The following CDH4 variants were observed in gnomAD, a reference collection of about 807,000 sequenced individuals.
The protein encoded by CDH4 is cadherin-4.
Under a neutral mutation model 86.0 loss-of-function variants are expected in CDH4, and 33 were observed. The observed-to-expected ratio is 0.38, with a 90% CI of 0.29 to 0.51. The LOEUF is 0.51. CDH4 is among the 20% of genes least tolerant of loss of function. CDH4 has a pLI of 0.86. For missense variants in CDH4, 1,114 were observed against 1,307.4 expected (o/e 0.85, Z 2.28); for synonymous variants, 555 against 549.4 (o/e 1.01, Z -0.14).
chr20:61,532,897 G>T (rs1158191601), intron 2 of CDH4, among the ~76,000 whole-genome samples: 1 of 152,166 alleles, frequency 6.6e-6, no homozygotes, highest in Non-Finnish European at 1.5e-5. Flanking sequence ...GCGTAGCTGG[G>T]CTCTCTGCTC....
intron 2 of CDH4, among the ~76,000 whole-genome samples, chr20:61,421,510 G>A (rs953044794): frequency 5.3e-5 from 8 of 152,204 alleles, no homozygotes; most frequent in East Asian, 1.9e-4. Flanking sequence ...TGGAGGTTGC[G>A]TTTCAGGATG....
At chr20:61,909,404 C>T (rs886239810) in intron 8 of CDH4, among the ~76,000 whole-genome samples, 3 of 152,244 alleles carry the variant, frequency 2.0e-5, no homozygotes, top group African/African-American at 7.2e-5. Flanking sequence ...CAGGTCAACT[C>T]ATCTGTGACG....
chr20:61,880,303 C>T (rs750278444), intron 7 of CDH4, among the ~76,000 whole-genome samples: 2 of 152,146 alleles, frequency 1.3e-5, no homozygotes, highest in Admixed American at 6.5e-5. Flanking sequence ...CGGGGTTCAG[C>T]GTTTCCCGCT....
rs1375700301 is a variant in CDH4, at chr20:61,812,359, G to A, written c.577-32309G>A. On this transcript the variant is annotated intron_variant, in intron 4 of 15. Transcript: ENST00000614565. Reference sequence around the variant, plus strand: ...GGCCCTGGGCTGCTGGGCCTGCCGGGTGGGGCTGCCATGGGCCAAGGGCAG... The same window carrying A: ...GGCCCTGGGCTGCTGGGCCTGCCGGATGGGGCTGCCATGGGCCAAGGGCAG... Among the ~76,000 whole-genome samples the A allele has an allele frequency of 2.6e-5, 4 of 152,288 alleles. No homozygotes were observed. In the East Asian group the frequency reaches 7.7e-4, roughly 29 times the overall value.
chr20:61,772,033 A>G (rs774644583), intron 3 of CDH4, among the ~76,000 whole-genome samples: 19 of 152,236 alleles, frequency 1.2e-4, no homozygotes, highest in Non-Finnish European at 2.5e-4. Flanking sequence ...CAGGAGCTGC[A>G]TCAGTGTCAG....
intron 2 of CDH4, among the ~76,000 whole-genome samples, chr20:61,640,897 T>C (rs1027598170): frequency 1.3e-5 from 2 of 152,124 alleles, no homozygotes; most frequent in Non-Finnish European, 2.9e-5. Context: ...ATACTGCGAG[T>C]TCCAGCTCTG....
At chr20:61,394,573 G>A (rs562248749) in intron 2 of CDH4, among the ~76,000 whole-genome samples, 27 of 151,948 alleles carry the variant, frequency 1.8e-4, no homozygotes, top group Non-Finnish European at 2.9e-4. Context: ...AGGCTGGGCC[G>A]AAGAGAGCAC....
Position 61,308,138 on chromosome 20 carries a change from CG to C in CDH4, c.169+53206del, listed in dbSNP as rs2084427321. 2.6e-5 allele frequency among the ~76,000 whole-genome samples: 4 copies of C among 152,272 alleles called. No homozygotes were observed. The South Asian group carries it at 8.3e-4, about 32-fold the overall frequency. On this transcript the variant is annotated intron_variant, in intron 2 of 15. Coordinates refer to ENST00000614565, the MANE Select transcript of CDH4 (RefSeq NM_001794.5). ...GGGCTGAACCTCACTGCCCAGGGGG[CG>C]GGGGCATGCAAATATTCCTTTCGTC...
intron 2 of CDH4, among the ~76,000 whole-genome samples, chr20:61,596,485 G>C (rs905126984): frequency 1.6e-4 from 24 of 152,208 alleles, no homozygotes; most frequent in African/African-American, 5.8e-4. Context: ...TTATGCAGGT[G>C]GAAGCAGCAA....
chr20:61,855,774 A>G (rs1055611204), intron 6 of CDH4, among the ~76,000 whole-genome samples: 1 of 152,246 alleles, frequency 6.6e-6, no homozygotes, highest in Non-Finnish European at 1.5e-5. Context: ...AGAGCTGGGC[A>G]CGGCCTGGCA....
rs1437111656 is a variant in CDH4 at position 61,252,459 on chromosome 20, GGCGGCGGCA to G, written c.-53_-45del. ...CGGTGGTCTCGGCGGCGGCGGCGGC[GGCGGCGGCA>G]GGGAGCGGGCTCCCGGTGCCGGGCA... is the stretch of plus-strand genomic sequence containing the variant. On this transcript the variant is annotated 5_prime_UTR_variant, in exon 1 of 16. Transcript: ENST00000614565. This position sits in a 1 kb window ranked among gnomAD's most constrained non-coding sequence, Gnocchi z 4.4. 15 of 943,836 alleles carry G rather than the reference GGCGGCGGCA, an allele frequency of 1.6e-5. No individual in the cohort carries two copies. Among genetic ancestry groups the G allele is most frequent in the Non-Finnish European group, 1.9e-5 (15 of 773,980 alleles). The allele number at this position is 943,836 out of a possible 1,614,324, so 58.5% of individuals were successfully genotyped here. A position where few individuals can be genotyped will look rare whatever the true frequency, so the allele number is the denominator to read the frequency against.
At chr20:61,469,672 TTAA>T (rs2145567341) in intron 2 of CDH4, among the ~76,000 whole-genome samples, 1 of 152,252 alleles carries the variant, frequency 6.6e-6, no homozygotes. Context: ...ATGTTTTCTT[TTAA>T]TAATTTCATG....
intron 2 of CDH4, among the ~76,000 whole-genome samples, chr20:61,730,627 G>A (rs2088167856): frequency 3.3e-5 from 5 of 152,234 alleles, no homozygotes; most frequent in Admixed American, 3.3e-4. Context: ...CCCAGCGCCT[G>A]CCAGCCCCAG....
intron 2 of CDH4, among the ~76,000 whole-genome samples, chr20:61,655,238 T>C (rs2145822734): frequency 6.6e-6 from 1 of 152,320 alleles, no homozygotes; most frequent in Admixed American, 6.5e-5. Flanking sequence ...TCACCAAGGG[T>C]CCTTCTCAGG....
intron 2 of CDH4, among the ~76,000 whole-genome samples, chr20:61,721,564 T>C (rs1460601342): frequency 6.6e-6 from 1 of 152,214 alleles, no homozygotes; most frequent in Admixed American, 6.5e-5. Context: ...ACTGCTATCT[T>C]AAAAAACAAT....
chr20:61,635,624 C>T (rs943688960), intron 2 of CDH4, among the ~76,000 whole-genome samples: 2 of 152,182 alleles, frequency 1.3e-5, no homozygotes, highest in African/African-American at 4.8e-5. Context: ...AGGGGCCGGG[C>T]AACAGAGGCT....
At chr20:61,903,540 T>TTAAAAAAAAAAAAA (rs386394189) in intron 8 of CDH4, among the ~76,000 whole-genome samples, 1 of 90,886 alleles carries the variant, frequency 1.1e-5, no homozygotes, top group African/African-American at 4.7e-5. Context: ...AGAGACTCCA[T>TTAAAAAAAAAAAAA]AAAAAAAAAA....
At chr20:61,297,606 C>CG in intron 2 of CDH4, among the ~76,000 whole-genome samples, 1 of 152,354 alleles carries the variant, frequency 6.6e-6, no homozygotes, top group South Asian at 2.1e-4. Flanking sequence ...TTTCCAAAGC[C>CG]GGGGCGGTGC....
chr20:61,899,574 CCTG>C (rs1985289965), intron 8 of CDH4, among the ~76,000 whole-genome samples: 3 of 152,052 alleles, frequency 2.0e-5, no homozygotes, highest in African/African-American at 7.2e-5. Flanking sequence ...ACTACAGGCG[CCTG>C]CCACCACGCC....
Sources: gnomAD v4.1 joint callset for allele counts (sites outside exome capture counted in the v4.1 genomes callset) on GRCh38, gnomAD v4.1.1 for gene constraint, Gnocchi (gnomAD v3.1) non-coding constraint, MANE v1.5 for transcripts, NCBI Gene and HGNC (gene_info 2026-07-23, HGNC 2026-07-21) for gene names.